Variants in CFAP45 observed in about 807,000 individuals in gnomAD.
CFAP45 encodes the protein cilia- and flagella-associated protein 45.
In CFAP45, 43 loss-of-function variants were observed where a neutral mutation model predicts 75.6. The ratio of observed to expected loss-of-function variants is 0.57; its 90% CI spans 0.45 to 0.73. The LOEUF is 0.73. CFAP45 is among the 30% of genes least tolerant of loss of function. The probability of loss-of-function intolerance (pLI) is 0.00; values close to 1 mark genes in which losing one functional copy is unlikely to be tolerated. For synonymous variants in CFAP45, 223 were observed against 244.6 expected, an observed-to-expected ratio of 0.91 and a Z score of 0.82; for missense variants, 689 against 701.5, an observed-to-expected ratio of 0.98 and a Z score of 0.20.
In CFAP45 at chr1:159,873,166, G is replaced by C. The variant is rs761114105; in HGVS notation, c.1355C>G (p.Ala452Gly). 1 of 1,612,988 alleles carries C rather than the reference G, an allele frequency of 6.2e-7. No homozygotes were observed. Among genetic ancestry groups the C allele is most frequent in the Non-Finnish European group, 8.5e-7 (1 of 1,179,630 alleles). ...CTCCTTCTCAATCTGTTCTCTCTGA[G>C]CCCTGGGGGAGGGAAACAGGAATGG... is the stretch of plus-strand genomic sequence containing the variant. ...DRDEFERILR[A>G]QREQIEKERL... is the part of the protein sequence containing the mutation. Residue 452 changes from alanine to glycine, a missense_variant and splice_region_variant, in exon 11 of 12, where the codon GCT (alanine) becomes GGT (glycine). Physicochemically the swap from Ala to Gly is moderately conservative, Grantham distance 60. Coordinates refer to ENST00000368099, the MANE Select transcript of CFAP45 (RefSeq NM_012337.3).
In CFAP45 at chr1:159,888,053, C is replaced by T. The variant is rs371697957; in HGVS notation, c.418-42G>A. On this transcript the variant is annotated intron_variant, in intron 4 of 11. Coordinates refer to ENST00000368099, the MANE Select transcript of CFAP45 (RefSeq NM_012337.3). ...TGGCTCAGTGGGAGATTATTTCATG[C>T]GCTCTGTGCCCTGGGCGCTAGCCTG... 83 of 1,593,352 alleles carry T rather than the reference C, an allele frequency of 5.2e-5. No homozygotes were observed. The African/African-American group carries it at 5.9e-4, about 11-fold the overall frequency.
chr1:159,877,044 C>T (rs1649420557), intron 9 of CFAP45, among the ~76,000 whole-genome samples: 1 of 152,194 alleles, frequency 6.6e-6, no homozygotes, highest in South Asian at 2.1e-4. Flanking sequence ...TTAAAAACTG[C>T]TAATGATGGA....
At chr1:159,880,812 G>T in intron 7 of CFAP45, 112 bp from the exon 8 acceptor site, 9 of 953,410 alleles carry the variant, frequency 9.4e-6, no homozygotes, top group Non-Finnish European at 7.9e-6. Context: ...ATTGCCTGCA[G>T]TCTAGTGTCC....
intron 1 of CFAP45, among the ~76,000 whole-genome samples, chr1:159,897,797 T>G (rs1180867114): frequency 6.6e-6 from 1 of 151,884 alleles, no homozygotes; most frequent in Non-Finnish European, 1.5e-5. Flanking sequence ...AATTTTTATT[T>G]GAAAACAAAG....
intron 8 of CFAP45, among the ~76,000 whole-genome samples, chr1:159,878,143 A>C (rs1224806090): frequency 2.0e-5 from 3 of 151,902 alleles, no homozygotes; most frequent in Non-Finnish European, 2.9e-5. Flanking sequence ...TGGCTTTCAC[A>C]CTCCTTCCAC....
rs909204778 is a variant in CFAP45 at position 159,898,511 on chromosome 1, C to G, written c.3+1585G>C. Among the ~76,000 whole-genome samples the G allele has an allele frequency of 2.0e-5, 3 of 152,214 alleles. No individual in the cohort carries two copies. In the East Asian group the frequency reaches 5.8e-4, roughly 29 times the overall value. Reference sequence around the variant, plus strand: ...TCACTAACTTAGACCCACTGCTTCTCAAAGGTGTCTATATGCCCAGTCCTG... The same window carrying G: ...TCACTAACTTAGACCCACTGCTTCTGAAAGGTGTCTATATGCCCAGTCCTG... On this transcript the variant is annotated intron_variant, in intron 1 of 11. Coordinates refer to ENST00000368099, the MANE Select transcript of CFAP45 (RefSeq NM_012337.3).
In CFAP45 at chr1:159,884,518, C is replaced by G. The variant is rs41264829; in HGVS notation, c.815G>C (p.Arg272Pro). 1.8e-5 allele frequency: 29 copies of G among 1,613,666 alleles called. No homozygotes were observed. Among genetic ancestry groups the G allele is most frequent in the Non-Finnish European group, 2.4e-5 (28 of 1,179,832 alleles). ...CTCCCGCTGCTCAGCAAGCAGCGAT[C>G]GCTCCTCCTGGTTCTTTTCCATCTG... ...VEQMEKNQEE[R>P]SLLAEQREQE... The change falls in exon 7 of 12, where the codon CGA becomes CCA. Residue 272 changes from arginine (R) to proline (P), a missense_variant. Arg to Pro is a moderately radical substitution (Grantham distance 103). Coordinates refer to ENST00000368099, the MANE Select transcript of CFAP45 (RefSeq NM_012337.3).
rs1557911739 is a variant in CFAP45, at chr1:159,878,764, A to AAAAAAAAAAAAAAAAAAAAC, written c.1045-1303_1045-1302insGTTTTTTTTTTTTTTTTTTT. Among the ~76,000 whole-genome samples, 4 of 135,156 alleles carry AAAAAAAAAAAAAAAAAAAAC rather than the reference A, an allele frequency of 3.0e-5. No individual in the cohort carries two copies. The East Asian group carries it at 8.6e-4, about 29-fold the overall frequency. The allele number at this position is 135,156 out of a possible 152,430, so 88.7% of individuals were successfully genotyped here. A position where few individuals can be genotyped will look rare whatever the true frequency, so the allele number is the denominator to read the frequency against. ...AGCAAGACTACATCTAAAAAAAAAA[A>AAAAAAAAAAAAAAAAAAAAC]AAAAAAAAAAAAAAAAAACCTTCCT... On this transcript the variant is annotated intron_variant, in intron 8 of 11. Transcript: ENST00000368099.
chr1:159,899,462 C>CTTTT (rs57828010), intron 1 of CFAP45, among the ~76,000 whole-genome samples: 4 of 60,552 alleles, frequency 6.6e-5, no homozygotes, highest in African/African-American at 2.0e-4. Flanking sequence ...CTCACCAGTG[C>CTTTT]TTTTTTTTTT....
intron 6 of CFAP45, among the ~76,000 whole-genome samples, chr1:159,885,734 G>A (rs1649663763): frequency 6.6e-6 from 1 of 152,162 alleles, no homozygotes; most frequent in African/African-American, 2.4e-5. Flanking sequence ...GAAAGCCACA[G>A]CACAAGAGTG....
chr1:159,899,625 GC>G (rs752934106), intron 1 of CFAP45, among the ~76,000 whole-genome samples: 6 of 151,802 alleles, frequency 4.0e-5, no homozygotes, highest in Non-Finnish European at 8.8e-5. Flanking sequence ...CCGCCACCAC[GC>G]CCGGCTAATT....
chr1:159,895,761 T>C (rs1571190856), intron 1 of CFAP45, among the ~76,000 whole-genome samples: 2 of 152,130 alleles, frequency 1.3e-5, no homozygotes. Flanking sequence ...AAAAATAGAA[T>C]AAGAGGAAAT....
intron 3 of CFAP45, among the ~76,000 whole-genome samples, chr1:159,889,279 T>A (rs1045079012): frequency 1.4e-5 from 2 of 144,402 alleles, no homozygotes; most frequent in Non-Finnish European, 3.0e-5. Context: ...AGGGAGTAGT[T>A]AGGGGGGTGG....
intron 8 of CFAP45, among the ~76,000 whole-genome samples, chr1:159,878,645 C>T (rs1022022214): frequency 6.7e-6 from 1 of 148,932 alleles, no homozygotes; most frequent in Non-Finnish European, 1.5e-5. Context: ...CCCAGCTACT[C>T]GGGAGGCTGA....
At chr1:159,881,816 G>C (rs1649556828) in intron 7 of CFAP45, among the ~76,000 whole-genome samples, 1 of 152,132 alleles carries the variant, frequency 6.6e-6, no homozygotes. Flanking sequence ...AGGGGCATCG[G>C]AATTAGGGGA....
At chr1:159,891,960 AAAC>A (rs762541542) in intron 2 of CFAP45, among the ~76,000 whole-genome samples, 17 of 152,280 alleles carry the variant, frequency 1.1e-4, no homozygotes, top group Admixed American at 4.6e-4. Context: ...CATGTACCCA[AAAC>A]AACAACAACA....
Position 159,900,137 on chromosome 1 carries a change from C to A in CFAP45, c.-39G>T, listed in dbSNP as rs779342917. On this transcript the variant is annotated 5_prime_UTR_variant, in exon 1 of 12. Transcript: ENST00000368099. ...CGCCCTGACTCCGGACTTCTGCTGCCGCCTCGGCGCCGCCAAGGCCCTAGT... is the reference window on the plus strand; with the variant it reads ...CGCCCTGACTCCGGACTTCTGCTGCAGCCTCGGCGCCGCCAAGGCCCTAGT... 10 of 1,613,912 alleles carry A rather than the reference C, an allele frequency of 6.2e-6. No homozygotes were observed. In the African/African-American group the frequency reaches 9.3e-5, roughly 15 times the overall value.
At chr1:159,881,745 G>A (rs1370059598) in intron 7 of CFAP45, among the ~76,000 whole-genome samples, 1 of 152,172 alleles carries the variant, frequency 6.6e-6, no homozygotes, top group Non-Finnish European at 1.5e-5. Flanking sequence ...TCCCAGACCT[G>A]AGCCTTCAAC....
intron 10 of CFAP45, among the ~76,000 whole-genome samples, chr1:159,874,346 C>T (rs973191568): frequency 1.3e-5 from 2 of 152,150 alleles, no homozygotes; most frequent in African/African-American, 4.8e-5. Context: ...ATCCACCATA[C>T]ATGCGGCATC....
Sources: allele counts gnomAD v4.1 joint callset (sites outside exome capture counted in the v4.1 genomes callset), GRCh38; gene constraint gnomAD v4.1.1; transcripts MANE v1.5; gene names NCBI Gene and HGNC (gene_info 2026-07-23, HGNC 2026-07-21).